The following BYSL variants were observed in gnomAD, a reference collection of about 807,000 sequenced individuals.
The protein encoded by BYSL is bystin like, also known as bystin.
In BYSL, 21 loss-of-function variants were observed where a neutral mutation model predicts 45.4. That is an observed-to-expected ratio of 0.46 (90% CI 0.33 to 0.67). BYSL has a LOEUF of 0.67. Ranked by LOEUF, BYSL falls within the 30% of genes least tolerant of loss-of-function variation. The pLI is 0.02. For missense variants in BYSL, 522 were observed against 578.5 expected, an observed-to-expected ratio of 0.90 and a Z score of 1.00; for synonymous variants, 215 against 231.3, an observed-to-expected ratio of 0.93 and a Z score of 0.64.
At chr6:41,919,192 G>A (rs936071141), upstream of BYSL, among the ~76,000 whole-genome samples, 1 of 149,994 alleles carries the variant, frequency 6.7e-6, no homozygotes, top group Non-Finnish European at 1.5e-5. Flanking sequence ...TAAATAACTT[G>A]CACTAGGTCA....
chr6:41,930,134 G>T lies in BYSL; in HGVS notation c.434G>T (p.Arg145Leu), dbSNP rs765781821. The change falls in exon 3 of 7, where the codon CGC (arginine) becomes CTC (leucine). Residue 145 changes from arginine (R) to leucine (L), a missense_variant and splice_region_variant. Arg to Leu is a moderately radical substitution (Grantham distance 102, BLOSUM62 -2). Transcript: ENST00000230340. ...CCTCTTGGCACTTCCCCTCTTAGGC[G>T]CACCCTGGCTGACATCATCATGGAG... Reference protein sequence around the residue: ...MFMNKNPPARRTLADIIMEKL... With the variant: ...MFMNKNPPARLTLADIIMEKL... 1.9e-6 allele frequency: 3 copies of T among 1,614,046 alleles called. No homozygotes were observed. The highest frequency in any genetic ancestry group is 4.5e-5 in the East Asian group (2 of 44,880).
intron 1 of BYSL, among the ~76,000 whole-genome samples, chr6:41,922,499 C>A (rs2127384005): frequency 6.6e-6 from 1 of 152,338 alleles, no homozygotes; most frequent in Non-Finnish European, 1.5e-5. Context: ...CAATATTTGA[C>A]ACAATTGAAT....
intron 3 of BYSL, 182 bp downstream of exon 3, chr6:41,930,452 T>G (rs1775621127): frequency 8.3e-7 from 1 of 1,209,936 alleles, no homozygotes; most frequent in Non-Finnish European, 1.1e-6. Context: ...CTTGGCATCC[T>G]TGGGTCGGTT....
upstream of BYSL, chr6:41,921,367 T>A: frequency 1.5e-6 from 1 of 688,396 alleles, no homozygotes; most frequent in Non-Finnish European, 2.4e-6. Flanking sequence ...GTGAATATAT[T>A]CGGGAGTCCA....
the BYSL span, chr6:41,909,575 A>C: frequency 1.3e-6 from 2 of 1,592,146 alleles, no homozygotes; most frequent in South Asian, 2.3e-5. Flanking sequence ...GGCAAACCCC[A>C]GAGTAGAGTC....
At chr6:41,909,212 C>G in the BYSL span, 1 of 1,562,674 alleles carries the variant, frequency 6.4e-7, no homozygotes, top group Non-Finnish European at 8.7e-7. Context: ...ATCTTCAGAG[C>G]CCTTTGCTAA....
chr6:41,928,174 G>A (rs1380171100), intron 2 of BYSL, among the ~76,000 whole-genome samples: 1 of 152,188 alleles, frequency 6.6e-6, no homozygotes, highest in Non-Finnish European at 1.5e-5. Flanking sequence ...CAGGCATTTA[G>A]ACTGCCTGTG....
chr6:41,921,141 T>C (rs996055569), upstream of BYSL: 1 of 1,328,170 alleles, frequency 7.5e-7, no homozygotes, highest in Non-Finnish European at 1.0e-6. Context: ...CGGAAATACG[T>C]AAAAACAGAG....
chr6:41,932,561 A>T lies in BYSL; in HGVS notation c.1169A>T (p.Lys390Met), dbSNP rs1378720969. ...QCLLTLVQRY[K>M]ADLATDQKEA... ...CTCCTGACTTTGGTCCAGCGCTACAAGGCCGACTTGGCCACAGACCAGAAA... is the reference window on the plus strand; with the variant it reads ...CTCCTGACTTTGGTCCAGCGCTACATGGCCGACTTGGCCACAGACCAGAAA... The change falls in exon 7 of 7, where the codon AAG becomes ATG. Residue 390 changes from lysine to methionine, a missense_variant. Physicochemically the swap from Lys to Met is moderately conservative, Grantham distance 95. Transcript: ENST00000230340. The surrounding 1 kb of genome is among the most constrained non-coding windows in gnomAD (Gnocchi z 4.7). The T allele has an allele frequency of 1.9e-6, 3 of 1,614,102 alleles. No homozygotes were observed. The East Asian group carries it at 6.7e-5, about 36-fold the overall frequency.
At chr6:41,927,353 A>G (rs1274392646) in intron 1 of BYSL, 21 bp from the exon 2 acceptor site, 1 of 1,612,874 alleles carries the variant, frequency 6.2e-7, no homozygotes, top group Non-Finnish European at 8.5e-7. Flanking sequence ...GTGCTCATCC[A>G]TTTAGTCTCC....
upstream of BYSL, among the ~76,000 whole-genome samples, chr6:41,918,850 G>A (rs369981556): frequency 0.031 from 4,618 of 149,788 alleles, 114 homozygotes; most frequent in African/African-American, 0.063. Context: ...GGGAGGCTGA[G>A]GCAGGAGAAT....
At position 41,927,450 on chromosome 6, in the gene BYSL, A is replaced by G; in HGVS notation, c.345A>G (p.Thr115=). Residue 115 remains threonine, a synonymous_variant, in exon 2 of 7, where the codon ACA becomes ACG. Transcript: ENST00000230340. ...WPTLEKAATM[T]AAGHHAEVVV... ...CCCTGGAGAAGGCTGCCACAATGAC[A>G]GCAGCGGGCCATCATGCAGAGGTGG... is the stretch of plus-strand genomic sequence containing the variant. 1 of 1,614,218 alleles carries G rather than the reference A, an allele frequency of 6.2e-7. No homozygotes were observed. Among genetic ancestry groups the G allele is most frequent in the Non-Finnish European group, 8.5e-7 (1 of 1,180,022 alleles).
At chr6:41,912,199 CTTT>C in the BYSL span, among the ~76,000 whole-genome samples, 4 of 119,274 alleles carry the variant, frequency 3.4e-5, no homozygotes, top group Admixed American at 9.3e-5. Flanking sequence ...CCATGCCCAC[CTTT>C]TTTTTTTTTT....
At chr6:41,909,173 C>CAAAAAA in the BYSL span, 1 of 1,313,556 alleles carries the variant, frequency 7.6e-7, no homozygotes, top group Admixed American at 2.5e-5. Flanking sequence ...GACTCTGTCT[C>CAAAAAA]AAAAAAAAAA....
Position 41,932,786 on chromosome 6 carries a change from C to A in BYSL, c.*80C>A. On this transcript the variant is annotated 3_prime_UTR_variant, in exon 7 of 7. Transcript: ENST00000230340. This position sits in a 1 kb window ranked among gnomAD's most constrained non-coding sequence, Gnocchi z 4.7. ...GTTGGTGACTGAAGATGACACTGAG[C>A]TTTAATGGCTGAAGACCCAGATCAG... 7.1e-7 allele frequency: 1 copy of A among 1,409,908 alleles called. No homozygotes were observed. The allele number at this position is 1,409,908 out of a possible 1,614,324, so 87.3% of individuals were successfully genotyped here.
At chr6:41,917,261 G>A (rs1056899972), upstream of BYSL, among the ~76,000 whole-genome samples, 10 of 152,212 alleles carry the variant, frequency 6.6e-5, no homozygotes, top group South Asian at 6.2e-4. Flanking sequence ...TTAGCTGGGC[G>A]TGGTAGCGGA....
the BYSL span, among the ~76,000 whole-genome samples, chr6:41,911,232 C>G: frequency 6.6e-6 from 1 of 151,010 alleles, no homozygotes; most frequent in East Asian, 2.0e-4. Flanking sequence ...CTCACTGCAA[C>G]CTCCACCTCT....
At chr6:41,927,312 A>G in intron 1 of BYSL, 62 bp from the exon 2 acceptor site, 1 of 1,588,600 alleles carries the variant, frequency 6.3e-7, no homozygotes, top group Non-Finnish European at 8.6e-7. Flanking sequence ...GCTAAAGTTA[A>G]ACTGACGAAA....
Position 41,931,575 on chromosome 6 carries a change from G to T in BYSL, c.865+19G>T. The T allele has an allele frequency of 1.9e-6, 3 of 1,614,078 alleles. No individual in the cohort carries two copies. Among genetic ancestry groups the T allele is most frequent in the South Asian group, 2.2e-5 (2 of 91,084 alleles). ...TTCAAAGGTGGGATCCCAGAGGCAC[G>T]GAAGAAAGGGAAGGGCTGGAGCTTC... is the stretch of plus-strand genomic sequence containing the variant. On this transcript the variant is annotated intron_variant, in intron 5 of 6. Coordinates refer to ENST00000230340, the MANE Select transcript of BYSL (RefSeq NM_004053.4).
Sources: allele counts gnomAD v4.1 joint callset (sites outside exome capture counted in the v4.1 genomes callset), GRCh38; gene constraint gnomAD v4.1.1; non-coding constraint Gnocchi (gnomAD v3.1); transcripts MANE v1.5; gene names NCBI Gene and HGNC (gene_info 2026-07-23, HGNC 2026-07-21).